The following ARHGAP26 variants were observed in gnomAD, a reference collection of about 807,000 sequenced individuals.
The protein encoded by ARHGAP26 is Rho GTPase activating protein 26.
Under a neutral mutation model 104.8 loss-of-function variants are expected in ARHGAP26, and 38 were observed. The ratio of observed to expected loss-of-function variants is 0.36; its 90% CI spans 0.28 to 0.48. The LOEUF (loss-of-function observed/expected upper bound fraction) is 0.48. Ranked by LOEUF, ARHGAP26 falls within the 20% of genes least tolerant of loss-of-function variation. ARHGAP26 has a pLI of 0.99. For synonymous variants in ARHGAP26, 341 were observed against 340.0 expected, an observed-to-expected ratio of 1.00 and a Z score of -0.03; for missense variants, 704 against 947.9, an observed-to-expected ratio of 0.74 and a Z score of 3.38.
chr5:142,828,476 A>G (rs1439699167), intron 1 of ARHGAP26, among the ~76,000 whole-genome samples: 3 of 152,214 alleles, frequency 2.0e-5, no homozygotes, highest in Admixed American at 2.0e-4. Context: ...ATGGTTGGGA[A>G]AATGAAATTT....
chr5:143,173,969 T>C (rs1803132800), intron 20 of ARHGAP26, among the ~76,000 whole-genome samples: 1 of 152,220 alleles, frequency 6.6e-6, no homozygotes, highest in African/African-American at 2.4e-5. Flanking sequence ...TCAGTTGCTG[T>C]TTGAGGGCAG....
At chr5:143,164,946 A>G (rs1801730539) in intron 20 of ARHGAP26, 1 of 152,214 alleles carries the variant, frequency 6.6e-6, no homozygotes, top group Admixed American at 6.5e-5. Context: ...GAGAAGAGCA[A>G]TGTGATTTCA....
chr5:143,190,420 A>G (rs1458545484), intron 20 of ARHGAP26, among the ~76,000 whole-genome samples: 1 of 152,220 alleles, frequency 6.6e-6, no homozygotes, highest in Non-Finnish European at 1.5e-5. Flanking sequence ...TGTCAGGAAC[A>G]TAAGAGGGAG....
chr5:143,106,505 ATCTGTCACCCAGGCTAGAG>A (rs1405716212), intron 17 of ARHGAP26, among the ~76,000 whole-genome samples: 1 of 127,388 alleles, frequency 7.9e-6, no homozygotes, highest in African/African-American at 2.9e-5. Flanking sequence ...TGATGTCTCA[ATCTGTCACCCAGGCTAGAG>A]TGCAGTGGTG....
At chr5:142,823,678 A>G (rs368060892) in intron 1 of ARHGAP26, among the ~76,000 whole-genome samples, 1 of 152,170 alleles carries the variant, frequency 6.6e-6, no homozygotes, top group Non-Finnish European at 1.5e-5. Flanking sequence ...AAGTATTTTT[A>G]TTTTTTAGAT....
intron 11 of ARHGAP26, among the ~76,000 whole-genome samples, chr5:142,961,117 A>G (rs2152660342): frequency 6.6e-6 from 1 of 152,252 alleles, no homozygotes; most frequent in East Asian, 1.9e-4. Context: ...ATTAGACCTT[A>G]TCTAACCCAC....
intron 17 of ARHGAP26, among the ~76,000 whole-genome samples, chr5:143,103,953 A>T (rs915426854): frequency 6.6e-6 from 1 of 151,978 alleles, no homozygotes; most frequent in Non-Finnish European, 1.5e-5. Flanking sequence ...ATATATATAT[A>T]TACACACAAT....
intron 20 of ARHGAP26, among the ~76,000 whole-genome samples, chr5:143,188,546 T>G (rs1030498980): frequency 6.6e-6 from 1 of 152,124 alleles, no homozygotes; most frequent in African/African-American, 2.4e-5. Context: ...TATAGTAGAG[T>G]ACCATTTTGT....
In ARHGAP26 at chr5:142,800,154, C is replaced by T. The variant is rs1204416515; in HGVS notation, c.154+29239C>T. Reference sequence around the variant, plus strand: ...AATAAGTAACTATAAAAAATCCAGACTAAGTTTCTAATGATGAATAAAATT... The same window carrying T: ...AATAAGTAACTATAAAAAATCCAGATTAAGTTTCTAATGATGAATAAAATT... On this transcript the variant is annotated intron_variant, in intron 1 of 22. Transcript: ENST00000645722. Among the ~76,000 whole-genome samples the T allele has an allele frequency of 2.6e-5, 4 of 152,282 alleles. No individual in the cohort carries two copies. In the East Asian group the frequency reaches 7.7e-4, roughly 29 times the overall value.
chr5:142,960,029 C>G (rs1344407056), intron 11 of ARHGAP26, among the ~76,000 whole-genome samples: 1 of 152,268 alleles, frequency 6.6e-6, no homozygotes, highest in Non-Finnish European at 1.5e-5. Context: ...ATGACTATCA[C>G]AAACCCCATG....
At chr5:142,798,931 G>C (rs888983202) in intron 1 of ARHGAP26, among the ~76,000 whole-genome samples, 4 of 152,218 alleles carry the variant, frequency 2.6e-5, no homozygotes, top group African/African-American at 9.7e-5. Context: ...GGCCAAGCTG[G>C]TCTGGCATTT....
intron 4 of ARHGAP26, among the ~76,000 whole-genome samples, chr5:142,884,016 T>C (rs964391042): frequency 6.6e-6 from 1 of 152,220 alleles, no homozygotes; most frequent in Middle Eastern, 3.2e-3. Flanking sequence ...CCAGAAAATA[T>C]TTTTTCTCTT....
At chr5:143,161,364 A>G (rs376468412) in intron 20 of ARHGAP26, among the ~76,000 whole-genome samples, 3 of 152,178 alleles carry the variant, frequency 2.0e-5, no homozygotes, top group Admixed American at 6.5e-5. Flanking sequence ...CAGAAAGTCA[A>G]TGTTAACATT....
chr5:143,037,391 T>C, intron 13 of ARHGAP26, 130 bp downstream of exon 13: 1 of 631,850 alleles, frequency 1.6e-6, no homozygotes. Context: ...GTCAGTGGAT[T>C]TCCACAAGTC....
At chr5:142,799,630 A>G (rs1761665166) in intron 1 of ARHGAP26, among the ~76,000 whole-genome samples, 1 of 152,194 alleles carries the variant, frequency 6.6e-6, no homozygotes, top group Non-Finnish European at 1.5e-5. Flanking sequence ...AAAATTCTGG[A>G]GGCTGGGAAG....
At chr5:142,908,526 G>A (rs1761417700) in intron 9 of ARHGAP26, among the ~76,000 whole-genome samples, 1 of 152,264 alleles carries the variant, frequency 6.6e-6, no homozygotes, top group South Asian at 2.1e-4. Context: ...GTGGCCTCAG[G>A]GCAGCAAAAG....
At chr5:143,056,742 T>C (rs73298584) in intron 16 of ARHGAP26, among the ~76,000 whole-genome samples, 8,472 of 152,168 alleles carry the variant, frequency 0.056, 829 homozygotes, top group African/African-American at 0.19. Flanking sequence ...AGCATGAATC[T>C]TCACAGTATT....
At chr5:143,176,113 CAAAT>C (rs888555225) in intron 20 of ARHGAP26, among the ~76,000 whole-genome samples, 5 of 151,920 alleles carry the variant, frequency 3.3e-5, no homozygotes, top group Middle Eastern at 3.2e-3. Flanking sequence ...GACTGTGTCT[CAAAT>C]AAGTAAATAA....
rs1811581570 is a variant in ARHGAP26 at position 143,225,436 on chromosome 5, A to G, written c.*2990A>G. Reference sequence around the variant, plus strand: ...ACTCCTGACCTCAAGTGATCTGCCCACTTCAGACCCCCAAAGTGCTGGGAT... The same window carrying G: ...ACTCCTGACCTCAAGTGATCTGCCCGCTTCAGACCCCCAAAGTGCTGGGAT... On this transcript the variant is annotated 3_prime_UTR_variant, in exon 23 of 23. Transcript: ENST00000645722. The G allele has an allele frequency of 5.2e-6, 1 of 193,556 alleles. No homozygotes were observed. The allele number at this position is 193,556 out of a possible 1,614,324, so 12.0% of individuals were successfully genotyped here. A position where few individuals can be genotyped will look rare whatever the true frequency, so the allele number is the denominator to read the frequency against.
Sources: gnomAD v4.1 joint callset for allele counts (sites outside exome capture counted in the v4.1 genomes callset) on GRCh38, gnomAD v4.1.1 for gene constraint, MANE v1.5 for transcripts, NCBI Gene and HGNC (gene_info 2026-07-23, HGNC 2026-07-21) for gene names.